Variants in ZC3H12B observed in about 807,000 individuals in gnomAD.
ZC3H12B encodes the protein probable ribonuclease ZC3H12B.
ZC3H12B carries 7 observed loss-of-function variants against 43.9 expected under a neutral mutation model. The ratio of observed to expected loss-of-function variants is 0.16; its 90% CI spans 0.09 to 0.30. The LOEUF (loss-of-function observed/expected upper bound fraction) is 0.30. Among genes scored for constraint, ZC3H12B ranks in the 10% least tolerant of loss-of-function variants. ZC3H12B has a pLI of 1.00. For synonymous variants in ZC3H12B, 222 were observed against 241.7 expected, an observed-to-expected ratio of 0.92 and a Z score of 0.76; for missense variants, 475 against 670.2, an observed-to-expected ratio of 0.71 and a Z score of 3.22.
At chrX:65,432,176 T>C (rs1602428546) in intron 3 of ZC3H12B, among the ~76,000 whole-genome samples, 1 of 111,796 alleles carries the variant, frequency 8.9e-6, no homozygotes, top group African/African-American at 3.2e-5. Flanking sequence ...TATATGCCAC[T>C]TCCATTTTAT....
At chrX:65,106,287 T>G in the ZC3H12B span, among the ~76,000 whole-genome samples, 1 of 112,150 alleles carries the variant, frequency 8.9e-6, no homozygotes, top group Admixed American at 9.5e-5. Flanking sequence ...AATTGGCAGA[T>G]ATAGTAATGA....
chrX:65,058,429 C>T, the ZC3H12B span, among the ~76,000 whole-genome samples: 1 of 112,064 alleles, frequency 8.9e-6, no homozygotes. Context: ...CTGATAGTTC[C>T]TCTGGAAGTT....
intron 2 of ZC3H12B, among the ~76,000 whole-genome samples, chrX:65,392,519 C>T (rs1202607809): frequency 8.9e-6 from 1 of 112,225 alleles, no homozygotes; most frequent in Non-Finnish European, 1.9e-5. Context: ...GTGAGGGGCG[C>T]CCCCGCCCGG....
At chrX:65,046,806 T>C in the ZC3H12B span, among the ~76,000 whole-genome samples, 1 of 111,612 alleles carries the variant, frequency 9.0e-6, no homozygotes, top group Non-Finnish European at 1.9e-5. Context: ...GATGTGCTAC[T>C]CTTCCTTTCA....
At chrX:65,047,944 A>G in the ZC3H12B span, among the ~76,000 whole-genome samples, 1 of 111,009 alleles carries the variant, frequency 9.0e-6, no homozygotes, top group Non-Finnish European at 1.9e-5. Context: ...ATAACATGGT[A>G]TCTACCCTCT....
chrX:65,064,259 G>T, the ZC3H12B span, among the ~76,000 whole-genome samples: 9 of 111,613 alleles, frequency 8.1e-5, no homozygotes, highest in Non-Finnish European at 1.7e-4. Context: ...GTTGATTTTA[G>T]ATCTTTCCCA....
the ZC3H12B span, among the ~76,000 whole-genome samples, chrX:65,101,699 C>T: frequency 1.8e-5 from 2 of 111,690 alleles, no homozygotes; most frequent in Non-Finnish European, 3.8e-5. Context: ...AAAAAGAAGT[C>T]AAATCCCTGA....
the ZC3H12B span, among the ~76,000 whole-genome samples, chrX:65,048,575 CT>C: frequency 3.6e-5 from 4 of 111,117 alleles, no homozygotes; most frequent in Admixed American, 3.8e-4. Flanking sequence ...TTGTTATTTC[CT>C]TTTTAAAGTA....
At chrX:65,047,867 A>T in the ZC3H12B span, among the ~76,000 whole-genome samples, 2 of 110,607 alleles carry the variant, frequency 1.8e-5, no homozygotes, top group African/African-American at 6.6e-5. Context: ...TATTTAGACT[A>T]GTTTATATTA....
At chrX:65,191,619 T>G in the ZC3H12B span, among the ~76,000 whole-genome samples, 1 of 96,442 alleles carries the variant, frequency 1.0e-5, no homozygotes, top group African/African-American at 4.6e-5. Flanking sequence ...GATGGTAGTT[T>G]GTATTTCTGT....
chrX:65,359,637 A>G, the ZC3H12B span, among the ~76,000 whole-genome samples: 1 of 112,421 alleles, frequency 8.9e-6, no homozygotes, highest in Non-Finnish European at 1.9e-5. Flanking sequence ...CTGCAGTCTC[A>G]TGATAAAACT....
At chrX:65,036,264 A>G in the ZC3H12B span, among the ~76,000 whole-genome samples, 3 of 112,167 alleles carry the variant, frequency 2.7e-5, no homozygotes, top group East Asian at 5.6e-4. Flanking sequence ...TCAAAAGCAT[A>G]CTGAATTTAG....
At chrX:65,050,769 A>T in the ZC3H12B span, among the ~76,000 whole-genome samples, 1 of 111,613 alleles carries the variant, frequency 9.0e-6, no homozygotes, top group Non-Finnish European at 1.9e-5. Flanking sequence ...ACAAGGATAA[A>T]TCTCACTTGG....
chrX:65,054,391 T>C, the ZC3H12B span, among the ~76,000 whole-genome samples: 1 of 111,506 alleles, frequency 9.0e-6, no homozygotes, highest in East Asian at 2.8e-4. Context: ...CTTGTTTTTG[T>C]CAGGTTTGTC....
the ZC3H12B span, among the ~76,000 whole-genome samples, chrX:65,260,192 ACAC>A: frequency 1.8e-5 from 2 of 110,843 alleles, no homozygotes; most frequent in African/African-American, 6.6e-5. Flanking sequence ...ATATAATAAA[ACAC>A]CACCTGTTCC....
the ZC3H12B span, among the ~76,000 whole-genome samples, chrX:65,323,514 G>A: frequency 1.8e-5 from 2 of 112,204 alleles, no homozygotes; most frequent in African/African-American, 3.2e-5. Flanking sequence ...TCCTGCAAAG[G>A]ACATTAACTC....
the ZC3H12B span, among the ~76,000 whole-genome samples, chrX:65,201,103 T>G: frequency 8.9e-6 from 1 of 112,091 alleles, no homozygotes; most frequent in Admixed American, 9.4e-5. Flanking sequence ...TGGAATAGTT[T>G]CAGAAGAAAT....
At chrX:65,401,169 G>A (rs777804076) in intron 3 of ZC3H12B, among the ~76,000 whole-genome samples, 1 of 110,527 alleles carries the variant, frequency 9.0e-6, no homozygotes, top group Non-Finnish European at 1.9e-5. Context: ...GCTGAAAGAT[G>A]CACTGAAGAG....
the ZC3H12B span, among the ~76,000 whole-genome samples, chrX:65,169,442 C>A: frequency 8.9e-6 from 1 of 111,746 alleles, no homozygotes; most frequent in African/African-American, 3.3e-5. Context: ...CTGAGGAGTG[C>A]TTTACTTCCA....
Sources: allele counts gnomAD v4.1 joint callset (sites outside exome capture counted in the v4.1 genomes callset), GRCh38; gene constraint gnomAD v4.1.1; transcripts MANE v1.5; gene names NCBI Gene and HGNC (gene_info 2026-07-23, HGNC 2026-07-21).